Variants in NAV3 observed in about 807,000 individuals in gnomAD.
NAV3 encodes the protein pore membrane and/or filament interacting like protein 1.
In NAV3, 87 loss-of-function variants were observed where a neutral mutation model predicts 244.7. The ratio of observed to expected loss-of-function variants is 0.36; its 90% CI spans 0.30 to 0.42. NAV3 has a LOEUF of 0.42. NAV3 is among the 20% of genes least tolerant of loss of function. The pLI is 1.00. For missense variants in NAV3, 2,663 were observed against 2,893.3 expected (o/e 0.92, Z 1.83); for synonymous variants, 1,126 against 1,042.2 (o/e 1.08, Z -1.55).
At chr12:77,890,448 G>A (rs1883799479) in intron 1 of NAV3, among the ~76,000 whole-genome samples, 1 of 151,762 alleles carries the variant, frequency 6.6e-6, no homozygotes. Flanking sequence ...CATTTCCTGA[G>A]GACTCTGCTA....
At chr12:78,051,982 G>A (rs144105526) in intron 11 of NAV3, among the ~76,000 whole-genome samples, 144 of 152,270 alleles carry the variant, frequency 9.5e-4, no homozygotes, top group African/African-American at 3.3e-3. Flanking sequence ...GGGAACTAAC[G>A]CTAGGGAAAC....
intron 2 of NAV3, among the ~76,000 whole-genome samples, chr12:77,691,340 T>C (rs1336914661): frequency 2.3e-4 from 29 of 128,662 alleles, no homozygotes; most frequent in African/African-American, 8.2e-4. Flanking sequence ...TATGTGTGTA[T>C]ATATATATAT....
At chr12:78,007,531 G>A (rs1874454778) in intron 8 of NAV3, 86 bp downstream of exon 8, 1 of 1,366,704 alleles carries the variant, frequency 7.3e-7, no homozygotes, top group Non-Finnish European at 9.9e-7. Context: ...TGATAAAGTG[G>A]TGCTTTATGT....
At chr12:78,027,907 C>T (rs1878343330) in intron 9 of NAV3, among the ~76,000 whole-genome samples, 1 of 152,022 alleles carries the variant, frequency 6.6e-6, no homozygotes, top group Admixed American at 6.6e-5. Context: ...CCTGAAGATA[C>T]CCCTATGGGT....
chr12:78,181,234 G>T (rs1958486396), intron 30 of NAV3, among the ~76,000 whole-genome samples, 189 bp downstream of exon 30: 1 of 152,002 alleles, frequency 6.6e-6, no homozygotes, highest in African/African-American at 2.4e-5. Flanking sequence ...CTGTCCAAAA[G>T]TCAGTCTTAG....
chr12:78,103,903 G>A (rs978652040), intron 12 of NAV3, among the ~76,000 whole-genome samples: 1 of 152,158 alleles, frequency 6.6e-6, no homozygotes, highest in African/African-American at 2.4e-5. Flanking sequence ...GGGACACAGA[G>A]CCAAACTATA....
intron 2 of NAV3, among the ~76,000 whole-genome samples, chr12:77,752,475 G>A (rs10745592): frequency 0.52 from 79,454 of 151,900 alleles, 21,750 homozygotes; most frequent in African/African-American, 0.7. Context: ...AAAAACAGAT[G>A]AAGACACATC....
chr12:77,901,158 TC>T (rs1885243829), intron 1 of NAV3, among the ~76,000 whole-genome samples: 1 of 152,228 alleles, frequency 6.6e-6, no homozygotes, highest in Non-Finnish European at 1.5e-5. Flanking sequence ...GAATATTTTC[TC>T]CCATTTTATA....
At chr12:77,916,774 CA>C (rs1887191307) in intron 1 of NAV3, among the ~76,000 whole-genome samples, 1 of 151,914 alleles carries the variant, frequency 6.6e-6, no homozygotes. Context: ...AATCAAAATA[CA>C]ATTGTTGATC....
chr12:77,658,641 G>T (rs1287428204), intron 2 of NAV3, among the ~76,000 whole-genome samples: 2 of 152,010 alleles, frequency 1.3e-5, no homozygotes, highest in South Asian at 2.1e-4. Context: ...AAAGGAGCCC[G>T]CATTGCCAAG....
At chr12:77,962,255 C>T (rs1892091342) in intron 3 of NAV3, among the ~76,000 whole-genome samples, 1 of 152,110 alleles carries the variant, frequency 6.6e-6, no homozygotes, top group Admixed American at 6.6e-5. Flanking sequence ...ACCCTCAAGA[C>T]TTCATTCACA....
At chr12:77,725,315 A>G (rs1054318979) in intron 2 of NAV3, among the ~76,000 whole-genome samples, 9 of 152,006 alleles carry the variant, frequency 5.9e-5, no homozygotes, top group Non-Finnish European at 1.3e-4. Context: ...AAGCCATCAA[A>G]CTATGTAGAC....
chr12:77,641,207 C>A (rs889438542), intron 2 of NAV3, among the ~76,000 whole-genome samples: 1 of 151,944 alleles, frequency 6.6e-6, no homozygotes, highest in Non-Finnish European at 1.5e-5. Flanking sequence ...TAGGCAAAGT[C>A]TGAGTATCAA....
upstream of NAV3, among the ~76,000 whole-genome samples, chr12:77,828,977 A>G (rs558925730): frequency 1.3e-5 from 2 of 152,356 alleles, no homozygotes; most frequent in East Asian, 3.9e-4. Flanking sequence ...ATTCTAGGCA[A>G]AGGGAAGCAG....
In NAV3 at chr12:77,923,025, C is replaced by T. The variant is rs530941243; in HGVS notation, c.244-17294C>T. Among the ~76,000 whole-genome samples the T allele has an allele frequency of 2.6e-5, 4 of 151,934 alleles. No homozygotes were observed. The Middle Eastern group carries it at 0.011, about 413-fold the overall frequency. On this transcript the variant is annotated intron_variant, in intron 1 of 39. Coordinates refer to ENST00000397909, the MANE Select transcript of NAV3 (RefSeq NM_001024383.2). ...TTTTCATTTTACTCTACAAGTATCA[C>T]GATTTTTATTTTTGATGGCTACTTA...
chr12:77,760,321 A>T (rs1592655957), intron 2 of NAV3, among the ~76,000 whole-genome samples: 1 of 152,292 alleles, frequency 6.6e-6, no homozygotes, highest in African/African-American at 2.4e-5. Context: ...TCCTAAGTGG[A>T]GTAGGAATGG....
intron 2 of NAV3, among the ~76,000 whole-genome samples, chr12:77,640,029 T>C (rs1487851844): frequency 6.6e-6 from 1 of 152,054 alleles, no homozygotes; most frequent in Admixed American, 6.6e-5. Flanking sequence ...TTTCTGACCA[T>C]CATCCAAATT....
At position 78,197,235 on chromosome 12, in the gene NAV3, A is replaced by AT. The variant is rs1427434848; in HGVS notation, c.6292-6dup. ...TATCACTGACGTATCTGTTTTCTTCATTTTTTAAAAGGAATTGCAACAATA... is the reference window on the plus strand; with the variant it reads ...TATCACTGACGTATCTGTTTTCTTCATTTTTTTAAAAGGAATTGCAACAATA... On this transcript the variant is annotated splice_polypyrimidine_tract_variant and intron_variant, in intron 34 of 39. Transcript: ENST00000397909. 5 of 1,510,970 alleles carry AT rather than the reference A, an allele frequency of 3.3e-6. No homozygotes were observed. Among genetic ancestry groups the AT allele is most frequent in the African/African-American group, 1.4e-5 (1 of 71,210 alleles). The allele number at this position is 1,510,970 out of a possible 1,614,324, so 93.6% of individuals were successfully genotyped here.
intron 1 of NAV3, among the ~76,000 whole-genome samples, chr12:77,877,601 C>T (rs1349372185): frequency 6.6e-6 from 1 of 152,090 alleles, no homozygotes; most frequent in Non-Finnish European, 1.5e-5. Flanking sequence ...TGGCTGGTGT[C>T]AAGTTTCCCA....
Sources: allele counts gnomAD v4.1 joint callset (sites outside exome capture counted in the v4.1 genomes callset), GRCh38; gene constraint gnomAD v4.1.1; transcripts MANE v1.5; gene names NCBI Gene and HGNC (gene_info 2026-07-23, HGNC 2026-07-21).